The following CDH4 variants were observed in gnomAD, a reference collection of about 807,000 sequenced individuals.
The protein encoded by CDH4 is cadherin-4.
A neutral mutation model predicts 86.0 loss-of-function variants in CDH4; 33 were observed. The ratio of observed to expected loss-of-function variants is 0.38; its 90% CI spans 0.29 to 0.51. The LOEUF (loss-of-function observed/expected upper bound fraction) is 0.51, where lower values mean the gene tolerates loss of function less well. Ranked by LOEUF, CDH4 falls within the 20% of genes least tolerant of loss-of-function variation. The pLI is 0.86. For synonymous variants in CDH4, 555 were observed against 549.4 expected, an observed-to-expected ratio of 1.01 and a Z score of -0.14; for missense variants, 1,114 against 1,307.4, an observed-to-expected ratio of 0.85 and a Z score of 2.28.
chr20:61,371,498 A>T (rs1019277816), intron 2 of CDH4, among the ~76,000 whole-genome samples: 4 of 152,352 alleles, frequency 2.6e-5, no homozygotes, highest in African/African-American at 7.2e-5. Context: ...GCCTTCAACC[A>T]GCCGTCGTAT....
chr20:61,472,121 T>C (rs1047689842), intron 2 of CDH4, among the ~76,000 whole-genome samples: 3 of 152,202 alleles, frequency 2.0e-5, no homozygotes, highest in African/African-American at 7.2e-5. Flanking sequence ...TCAGCTATTA[T>C]TGTATTGAGG....
chr20:61,878,465 C>T (rs951447003), intron 7 of CDH4, among the ~76,000 whole-genome samples: 1 of 152,248 alleles, frequency 6.6e-6, no homozygotes, highest in African/African-American at 2.4e-5. Context: ...TTTCCTTGTG[C>T]AAACAAGTCT....
At chr20:61,615,894 C>T (rs568727020) in intron 2 of CDH4, among the ~76,000 whole-genome samples, 26 of 152,318 alleles carry the variant, frequency 1.7e-4, no homozygotes, top group African/African-American at 5.8e-4. Context: ...CAAATGCCTT[C>T]GGTGGGGTCA....
chr20:61,772,854 C>A (rs1039433123), intron 3 of CDH4, 149 bp from the exon 4 acceptor site: 7 of 530,168 alleles, frequency 1.3e-5, no homozygotes, highest in Non-Finnish European at 2.2e-5. Context: ...CCAGCGTTAT[C>A]CCGCCCTTCC....
chr20:61,889,683 G>T (rs1164350641), intron 7 of CDH4, among the ~76,000 whole-genome samples: 6 of 150,616 alleles, frequency 4.0e-5, no homozygotes, highest in Non-Finnish European at 1.5e-5. Context: ...ATGAGTGAGT[G>T]GATAGTTGGA....
rs2084994063 is a variant in CDH4 at position 61,392,833 on chromosome 20, A to G, written c.169+137896A>G. On this transcript the variant is annotated intron_variant, in intron 2 of 15. Transcript: ENST00000614565. The surrounding 1 kb of genome is among the most constrained non-coding windows in gnomAD (Gnocchi z 5.7). ...ACGGTGCTCTAGAAATGTCAGATGC[A>G]TTCGTCTTCCATTAGCCCCTCCACC... Among the ~76,000 whole-genome samples the G allele has an allele frequency of 6.6e-6, 1 of 152,138 alleles. No homozygotes were observed. The highest frequency in any genetic ancestry group is 1.9e-4 in the East Asian group (1 of 5,188).
intron 2 of CDH4, among the ~76,000 whole-genome samples, chr20:61,707,410 A>C (rs2087843420): frequency 6.6e-6 from 1 of 152,220 alleles, no homozygotes; most frequent in Non-Finnish European, 1.5e-5. Flanking sequence ...TCTTAAACCA[A>C]GGCCTTCAGC....
chr20:61,557,477 G>A (rs376462028), intron 2 of CDH4, among the ~76,000 whole-genome samples: 5 of 152,212 alleles, frequency 3.3e-5, no homozygotes, highest in South Asian at 2.1e-4. Context: ...GGTTGCCGTC[G>A]AGTGGGAAGT....
rs1217316556 is a variant in CDH4 at position 61,773,011 on chromosome 20, A to G, written c.405A>G (p.Lys135=). 4 of 1,607,688 alleles carry G rather than the reference A, an allele frequency of 2.5e-6. No individual in the cohort carries two copies. Among genetic ancestry groups the G allele is most frequent in the East Asian group, 2.2e-5 (1 of 44,674 alleles). Residue 135 remains lysine, a synonymous_variant, in exon 4 of 16, where the codon AAA becomes AAG. Coordinates refer to ENST00000614565, the MANE Select transcript of CDH4 (RefSeq NM_001794.5). ...SSPHSGHKPQ[K]GKKVVALDPS... is the part of the protein sequence containing the mutation. The stretch of plus-strand genomic sequence containing the variant: ...CCCCTTTCCAAATAAAGCCGCAGAA[A>G]GGAAAGAAGGTCGTGGCTCTGGACC...
At chr20:61,522,457 CG>C (rs758759254) in intron 2 of CDH4, among the ~76,000 whole-genome samples, 5 of 152,214 alleles carry the variant, frequency 3.3e-5, no homozygotes, top group African/African-American at 4.8e-5. Flanking sequence ...CATCCATTAA[CG>C]TTTAATTCAA....
chr20:61,691,784 G>A (rs1385001863), intron 2 of CDH4, among the ~76,000 whole-genome samples: 6 of 152,180 alleles, frequency 3.9e-5, no homozygotes, highest in Non-Finnish European at 8.8e-5. Context: ...ACAGCATTCT[G>A]ATCCCACGGG....
chr20:61,656,469 C>T (rs116527392), intron 2 of CDH4, among the ~76,000 whole-genome samples: 4,006 of 151,790 alleles, frequency 0.026, 188 homozygotes, highest in African/African-American at 0.091. Context: ...TGGACAGGTG[C>T]GTGTTGGGGT....
At chr20:61,854,305 C>T (rs1982880527) in intron 6 of CDH4, among the ~76,000 whole-genome samples, 2 of 152,188 alleles carry the variant, frequency 1.3e-5, no homozygotes. Context: ...CACACCTGCT[C>T]GTGGAGGTGG....
At chr20:61,299,717 C>T (rs1394852395) in intron 2 of CDH4, among the ~76,000 whole-genome samples, 1 of 152,180 alleles carries the variant, frequency 6.6e-6, no homozygotes, top group African/African-American at 2.4e-5. Flanking sequence ...GGCCTCCCTG[C>T]AGGCCGGGCT....
intron 2 of CDH4, among the ~76,000 whole-genome samples, chr20:61,557,184 TC>T (rs1261521547): frequency 6.6e-6 from 1 of 152,178 alleles, no homozygotes; most frequent in Non-Finnish European, 1.5e-5. Context: ...GAAGACAGGA[TC>T]TTTCTCTAAA....
At chr20:61,893,485 TGGTGGATGGGTAGGTG>T (rs1176239806) in intron 7 of CDH4, among the ~76,000 whole-genome samples, 19 of 91,012 alleles carry the variant, frequency 2.1e-4, no homozygotes, top group Non-Finnish European at 3.5e-4. Flanking sequence ...AGTAGAGGGA[TGGTGGATGGGTAGGTG>T]GGTGGATGGA....
intron 2 of CDH4, among the ~76,000 whole-genome samples, chr20:61,565,903 C>T (rs931032954): frequency 2.6e-5 from 4 of 152,152 alleles, no homozygotes; most frequent in African/African-American, 9.7e-5. Context: ...GTGTCTGCAT[C>T]CACCCCCTCT....
intron 2 of CDH4, among the ~76,000 whole-genome samples, chr20:61,389,520 A>G (rs749619345): frequency 6.6e-6 from 1 of 152,320 alleles, no homozygotes; most frequent in South Asian, 2.1e-4. Context: ...AATCCAATGT[A>G]TGATTTGATT....
At chr20:61,728,854 T>C (rs2088144582) in intron 2 of CDH4, among the ~76,000 whole-genome samples, 1 of 152,198 alleles carries the variant, frequency 6.6e-6, no homozygotes, top group Non-Finnish European at 1.5e-5. Flanking sequence ...AAATGGACTC[T>C]CACAGCCTTG....
Sources: allele counts gnomAD v4.1 joint callset (sites outside exome capture counted in the v4.1 genomes callset), GRCh38; gene constraint gnomAD v4.1.1; non-coding constraint Gnocchi (gnomAD v3.1); transcripts MANE v1.5; gene names NCBI Gene and HGNC (gene_info 2026-07-23, HGNC 2026-07-21).